Variants in C8B observed in about 807,000 individuals in gnomAD.
The protein encoded by C8B is complement C8 beta chain, also known as complement component C8 beta chain.
In C8B, 67 loss-of-function variants were observed where a neutral mutation model predicts 64.6. The observed-to-expected ratio is 1.04, with a 90% CI of 0.85 to 1.27. The LOEUF (loss-of-function observed/expected upper bound fraction) is 1.27, where lower values mean the gene tolerates loss of function less well. Ranked by LOEUF, C8B falls within the 50% of genes most tolerant of loss-of-function variation. The pLI, the probability that C8B is intolerant of heterozygous loss-of-function variation, is 0.00. For missense variants in C8B, 790 were observed against 725.2 expected, an observed-to-expected ratio of 1.09 and a Z score of -1.03; for synonymous variants, 284 against 257.7, an observed-to-expected ratio of 1.10 and a Z score of -0.98.
At chr1:56,932,140 C>A (rs1644711205) in intron 10 of C8B, among the ~76,000 whole-genome samples, 1 of 152,180 alleles carries the variant, frequency 6.6e-6, no homozygotes, top group Admixed American at 6.5e-5. Flanking sequence ...TTGACCCATA[C>A]TTAAATGCTT....
chr1:56,960,014 G>A lies in C8B; in HGVS notation c.249+6C>T. The A allele has an allele frequency of 6.2e-7, 1 of 1,614,164 alleles. No individual in the cohort carries two copies. Among genetic ancestry groups the A allele is most frequent in the Non-Finnish European group, 8.5e-7 (1 of 1,179,998 alleles). ...GCTTAGAGCTGTCCCAGGCCTGGTTGCTTACCCTTTTCTTCTGACAGGGGT... is the reference window on the plus strand; with the variant it reads ...GCTTAGAGCTGTCCCAGGCCTGGTTACTTACCCTTTTCTTCTGACAGGGGT... On this transcript the variant is annotated splice_donor_region_variant and intron_variant, in intron 2 of 11. Transcript: ENST00000371237.
At chr1:56,930,386 TG>T (rs1397284369) in intron 11 of C8B, among the ~76,000 whole-genome samples, 2 of 152,328 alleles carry the variant, frequency 1.3e-5, no homozygotes, top group Middle Eastern at 3.4e-3. Context: ...AGTGTAATTC[TG>T]GGTAAATTAC....
At position 56,931,876 on chromosome 1, in the gene C8B, A is replaced by T; in HGVS notation, c.1555T>A (p.Ser519Thr). Residue 519 changes from serine to threonine, a missense_variant and splice_region_variant, in exon 11 of 12, where the codon TCA (serine) becomes ACA (threonine). Transcript: ENST00000371237. ...ACAGGACAGATGCAGTCACAGCGTG[A>T]TCCTGAGAAGACAAGGCAGAGAAAG... ...QGNGVPVLKG[S>T]RCDCICPVGS... 2 of 1,611,682 alleles carry T rather than the reference A, an allele frequency of 1.2e-6. No individual in the cohort carries two copies. The highest frequency in any genetic ancestry group is 1.7e-6 in the Non-Finnish European group (2 of 1,178,588).
chr1:56,963,955 C>T, intron 1 of C8B: 1 of 985,314 alleles, frequency 1.0e-6, no homozygotes, highest in Non-Finnish European at 1.2e-6. Flanking sequence ...GTTCCAGAAC[C>T]AAAGACTATT....
chr1:56,962,984 C>A (rs749775424), intron 1 of C8B, among the ~76,000 whole-genome samples: 1 of 152,204 alleles, frequency 6.6e-6, no homozygotes, highest in Non-Finnish European at 1.5e-5. Flanking sequence ...ATATGACACA[C>A]ATTGCATTTA....
intron 2 of C8B, among the ~76,000 whole-genome samples, chr1:56,958,514 AG>A (rs1440439509): frequency 6.6e-6 from 1 of 152,128 alleles, no homozygotes; most frequent in East Asian, 1.9e-4. Flanking sequence ...AAGACTAAAA[AG>A]CTCCAGGCTC....
chr1:56,944,438 G>T (rs2101402267), intron 7 of C8B, among the ~76,000 whole-genome samples: 1 of 152,280 alleles, frequency 6.6e-6, no homozygotes, highest in South Asian at 2.1e-4. Flanking sequence ...AGTTCAGGGA[G>T]AAAAGAGCAA....
chr1:56,942,887 T>C (rs563313675), intron 8 of C8B, among the ~76,000 whole-genome samples: 5 of 151,510 alleles, frequency 3.3e-5, no homozygotes, highest in African/African-American at 1.2e-4. Flanking sequence ...CTGGGCAACA[T>C]GGCAAAACCC....
At chr1:56,938,974 C>T (rs1461490275) in intron 9 of C8B, among the ~76,000 whole-genome samples, 2 of 152,138 alleles carry the variant, frequency 1.3e-5, no homozygotes, top group Non-Finnish European at 2.9e-5. Flanking sequence ...TGTGTGAAAG[C>T]CGTCAACACT....
intron 1 of C8B, among the ~76,000 whole-genome samples, chr1:56,965,378 T>C (rs1449172514): frequency 7.6e-6 from 1 of 132,188 alleles, no homozygotes; most frequent in Non-Finnish European, 1.6e-5. Context: ...TTGTGGGGGG[T>C]GAGAGAGAGA....
chr1:56,956,123 A>G (rs1191837958), intron 3 of C8B, among the ~76,000 whole-genome samples: 4 of 152,126 alleles, frequency 2.6e-5, no homozygotes, highest in Admixed American at 2.0e-4. Context: ...GGACTTAGTG[A>G]TGCAGAAATG....
At chr1:56,958,677 G>A (rs1420312287) in intron 2 of C8B, among the ~76,000 whole-genome samples, 3 of 152,158 alleles carry the variant, frequency 2.0e-5, no homozygotes, top group African/African-American at 7.2e-5. Context: ...CTCTGAGAGA[G>A]GAGCTCTGGC....
At chr1:56,952,022 T>C (rs748743467) in intron 5 of C8B, 26 bp downstream of exon 5, 2 of 1,613,184 alleles carry the variant, frequency 1.2e-6, no homozygotes, top group Non-Finnish European at 1.7e-6. Context: ...TGGGGCTCCC[T>C]CCACTGCTAC....
At chr1:56,959,695 G>T in intron 2 of C8B, 1 of 1,306,382 alleles carries the variant, frequency 7.7e-7, no homozygotes, top group Non-Finnish European at 1.1e-6. Context: ...GTTTCCAAGT[G>T]GGCAAAGACA....
In C8B at chr1:56,965,974, C is replaced by T. The variant is rs1379367142; in HGVS notation, c.-26G>A. 2.5e-6 allele frequency: 4 copies of T among 1,613,086 alleles called. No individual in the cohort carries two copies. The Admixed American group carries it at 5.0e-5, about 20-fold the overall frequency. The stretch of plus-strand genomic sequence containing the variant: ...TTTCCCAATGTGACAGGAGATGCCA[C>T]AGAGGCTGCTAGACCCATAACAAGC... On this transcript the variant is annotated 5_prime_UTR_variant, in exon 1 of 12. In the 5' UTR this introduces an upstream ATG that the reference lacks. Transcript: ENST00000371237.
chr1:56,936,322 T>C (rs1361518321), intron 9 of C8B, among the ~76,000 whole-genome samples: 1 of 152,230 alleles, frequency 6.6e-6, no homozygotes, highest in African/African-American at 2.4e-5. Context: ...TTGAGTATTG[T>C]AGACTTTCAA....
chr1:56,946,767 G>A (rs1644948586), intron 6 of C8B, among the ~76,000 whole-genome samples: 1 of 152,230 alleles, frequency 6.6e-6, no homozygotes, highest in Non-Finnish European at 1.5e-5. Context: ...TCTAGAAAGT[G>A]TTAGTACAAC....
intron 8 of C8B, among the ~76,000 whole-genome samples, 184 bp downstream of exon 8, chr1:56,943,512 G>A (rs1644895245): frequency 6.6e-6 from 1 of 152,120 alleles, no homozygotes; most frequent in African/African-American, 2.4e-5. Context: ...TCAAAAATAA[G>A]CAACACTAAG....
At chr1:56,937,418 G>A (rs1644790695) in intron 9 of C8B, among the ~76,000 whole-genome samples, 1 of 152,142 alleles carries the variant, frequency 6.6e-6, no homozygotes, top group Non-Finnish European at 1.5e-5. Context: ...GAAATGTGGA[G>A]GTTGTTTCTC....
Sources: gnomAD v4.1 joint callset for allele counts (sites outside exome capture counted in the v4.1 genomes callset) on GRCh38, gnomAD v4.1.1 for gene constraint, MANE v1.5 for transcripts, NCBI Gene and HGNC (gene_info 2026-07-23, HGNC 2026-07-21) for gene names.